NBAS: variants seen among roughly 807,000 people sequenced by gnomAD.
NBAS encodes NBAS subunit of NRZ tethering complex, also known as NAG/BC035112 fusion.
NBAS carries 219 observed loss-of-function variants against 302.5 expected under a neutral mutation model. That is an observed-to-expected ratio of 0.72 (90% confidence interval 0.65 to 0.81). The LOEUF (loss-of-function observed/expected upper bound fraction) is 0.81, where lower values mean the gene tolerates loss of function less well. Among genes scored for constraint, NBAS ranks in the 30% least tolerant of loss-of-function variants. NBAS has a pLI of 0.00. For synonymous variants in NBAS, 1,118 were observed against 1,021.6 expected, an observed-to-expected ratio of 1.09 and a Z score of -1.80; for missense variants, 2,932 against 2,841.6, an observed-to-expected ratio of 1.03 and a Z score of -0.72.
chr2:15,305,617 A>T (rs1671001145), intron 40 of NBAS, among the ~76,000 whole-genome samples: 1 of 151,954 alleles, frequency 6.6e-6, no homozygotes, highest in Non-Finnish European at 1.5e-5. Context: ...ATGCCCAGCT[A>T]ATTTTTATAT....
the NBAS span, among the ~76,000 whole-genome samples, chr2:14,836,656 A>C: frequency 6.6e-6 from 1 of 152,024 alleles, no homozygotes; most frequent in Admixed American, 6.6e-5. Flanking sequence ...TATCTAGCAG[A>C]AGATATATTA....
chr2:14,916,292 A>C, the NBAS span, among the ~76,000 whole-genome samples: 1 of 152,176 alleles, frequency 6.6e-6, no homozygotes, highest in Non-Finnish European at 1.5e-5. Flanking sequence ...GAAGATCCCT[A>C]AGCCCCATCT....
rs575683134 is a variant in NBAS at position 15,330,032 on chromosome 2, A to G, written c.4347+566T>C. Among the ~76,000 whole-genome samples the G allele has an allele frequency of 6.6e-5, 10 of 152,320 alleles. No individual in the cohort carries two copies. The Middle Eastern group carries it at 0.014, about 207-fold the overall frequency. ...GATTAGGACATTTGACAGGAAAATA[A>G]TGCCTAATAAGTATTTGCTGAATGA... On this transcript the variant is annotated intron_variant, in intron 36 of 51. Coordinates refer to ENST00000281513, the MANE Select transcript of NBAS (RefSeq NM_015909.4).
intron 6 of NBAS, among the ~76,000 whole-genome samples, chr2:15,548,472 T>C (rs1664223452): frequency 6.6e-6 from 1 of 151,750 alleles, no homozygotes; most frequent in South Asian, 2.1e-4. Context: ...TGAAACCGCA[T>C]CTCTATCAAA....
downstream of NBAS, among the ~76,000 whole-genome samples, chr2:15,161,952 T>C (rs1663910302): frequency 6.6e-6 from 1 of 152,116 alleles, no homozygotes; most frequent in East Asian, 1.9e-4. Context: ...GTGCAGATGG[T>C]CAATACCTAT....
chr2:15,048,139 T>A, the NBAS span, among the ~76,000 whole-genome samples: 1 of 152,220 alleles, frequency 6.6e-6, no homozygotes, highest in Non-Finnish European at 1.5e-5. Context: ...CACCAAGCAC[T>A]ACTGATGGCA....
In NBAS at chr2:15,328,368, TAGA is replaced by T. The variant is rs1440009584; in HGVS notation, c.4348-59_4348-57del. 6.4e-5 allele frequency: 91 copies of T among 1,425,640 alleles called. No individual in the cohort carries two copies. In the South Asian group the frequency reaches 9.0e-4, roughly 14 times the overall value. The allele number at this position is 1,425,640 out of a possible 1,614,324, so 88.3% of individuals were successfully genotyped here. A position where few individuals can be genotyped will look rare whatever the true frequency, so the allele number is the denominator to read the frequency against. ...TAAAAAGAAAGAGAAGGCAAGGAGG[TAGA>T]AGAAGTAAAAGCAAGGAAAGAAGGG... is the stretch of plus-strand genomic sequence containing the variant. On this transcript the variant is annotated intron_variant, in intron 36 of 51. Coordinates refer to ENST00000281513, the MANE Select transcript of NBAS (RefSeq NM_015909.4).
the NBAS span, among the ~76,000 whole-genome samples, chr2:14,898,895 C>T: frequency 1.3e-5 from 2 of 152,156 alleles, no homozygotes; most frequent in Non-Finnish European, 2.9e-5. Context: ...GGTTCTGTAG[C>T]TTGAGTTCTA....
the NBAS span, among the ~76,000 whole-genome samples, chr2:15,071,633 A>G: frequency 1.3e-5 from 2 of 151,842 alleles, no homozygotes. Context: ...CCAAAAAAAA[A>G]AAAAAAAAGG....
chr2:15,555,774 C>T (rs753824511), intron 3 of NBAS, among the ~76,000 whole-genome samples: 8 of 152,090 alleles, frequency 5.3e-5, no homozygotes, highest in African/African-American at 9.7e-5. Context: ...CTTCTGATGC[C>T]TGATCATAAG....
At chr2:15,272,210 A>AT (rs1207595548) in intron 44 of NBAS, among the ~76,000 whole-genome samples, 1 of 152,174 alleles carries the variant, frequency 6.6e-6, no homozygotes, top group Admixed American at 6.5e-5. Context: ...TATCTGAACA[A>AT]TTGCTTATTG....
At chr2:15,380,234 C>CT (rs1463809278) in intron 29 of NBAS, among the ~76,000 whole-genome samples, 16 of 151,938 alleles carry the variant, frequency 1.1e-4, no homozygotes, top group Admixed American at 4.6e-4. Flanking sequence ...CTGTTTTTTT[C>CT]TTTTTCCTAA....
the NBAS span, among the ~76,000 whole-genome samples, chr2:15,067,841 A>T: frequency 6.6e-6 from 1 of 152,234 alleles, no homozygotes; most frequent in Non-Finnish European, 1.5e-5. Flanking sequence ...TACCACAATA[A>T]AAATATAAAT....
chr2:15,180,431 G>A (rs948016398), intron 50 of NBAS: 1 of 152,234 alleles, frequency 6.6e-6, no homozygotes, highest in African/African-American at 2.4e-5. Context: ...ACGTGACACA[G>A]AGCAGTCTCA....
chr2:15,554,241 C>A (rs112788700), intron 3 of NBAS, 103 bp from the exon 4 acceptor site: 27 of 986,052 alleles, frequency 2.7e-5, no homozygotes, highest in African/African-American at 2.3e-4. Context: ...AGATTTTTTT[C>A]CATTAGAATA....
At chr2:15,109,463 A>G in the NBAS span, among the ~76,000 whole-genome samples, 2 of 152,170 alleles carry the variant, frequency 1.3e-5, no homozygotes, top group African/African-American at 2.4e-5. Flanking sequence ...CAAAAGTGCT[A>G]TGGAACTATG....
Position 15,539,302 on chromosome 2 carries a change from G to A in NBAS, c.434C>T (p.Thr145Ile), listed in dbSNP as rs759173998. Residue 145 changes from threonine to isoleucine, a missense_variant, in exon 7 of 52, where the codon ACC (threonine) becomes ATC (isoleucine). By Grantham distance (89) the Thr-to-Ile change is moderately conservative (BLOSUM62 -1). Coordinates refer to ENST00000281513, the MANE Select transcript of NBAS (RefSeq NM_015909.4). ...WRRVAWSYDC[T>I]LLAYAESTGT... ...TGTGCTTTCGGCATAGGCCAGTAGG[G>A]TACAATCGTAACTCCATGCTACCCG... is the stretch of plus-strand genomic sequence containing the variant. 2.5e-6 allele frequency: 4 copies of A among 1,614,200 alleles called. No individual in the cohort carries two copies. Among genetic ancestry groups the A allele is most frequent in the South Asian group, 2.2e-5 (2 of 91,084 alleles).
At chr2:15,003,654 G>GCCT in the NBAS span, among the ~76,000 whole-genome samples, 16 of 152,300 alleles carry the variant, frequency 1.1e-4, no homozygotes, top group African/African-American at 3.8e-4. Context: ...AGGGTCTCAA[G>GCCT]CCTCCTCCTC....
At chr2:15,326,470 A>G (rs1572661188) in intron 38 of NBAS, among the ~76,000 whole-genome samples, 1 of 152,340 alleles carries the variant, frequency 6.6e-6, no homozygotes, top group East Asian at 1.9e-4. Context: ...TTAAGGTCTC[A>G]GATTCTATCT....
Sources: gnomAD v4.1 joint callset for allele counts (sites outside exome capture counted in the v4.1 genomes callset) on GRCh38, gnomAD v4.1.1 for gene constraint, MANE v1.5 for transcripts, NCBI Gene and HGNC (gene_info 2026-07-23, HGNC 2026-07-21) for gene names.